KCNIP4: variants seen among roughly 807,000 people sequenced by gnomAD.
KCNIP4 encodes Kv channel-interacting protein 4.
In KCNIP4, 12 loss-of-function variants were observed where a neutral mutation model predicts 34.0. That is an observed-to-expected ratio of 0.35 (90% CI 0.23 to 0.57). The LOEUF (loss-of-function observed/expected upper bound fraction) is 0.57, where lower values mean the gene tolerates loss of function less well. KCNIP4 is among the 20% of genes least tolerant of loss of function. KCNIP4 has a pLI of 0.83. For synonymous variants in KCNIP4, 124 were observed against 102.2 expected (o/e 1.21, Z -1.29); for missense variants, 238 against 311.7 (o/e 0.76, Z 1.78).
At chr4:21,501,731 GT>G (rs530301749) in intron 1 of KCNIP4, among the ~76,000 whole-genome samples, 1 of 58,836 alleles carries the variant, frequency 1.7e-5, no homozygotes, top group East Asian at 3.1e-4. Flanking sequence ...GGAAGGGGCA[GT>G]TTATATGTAA....
intron 1 of KCNIP4, among the ~76,000 whole-genome samples, chr4:21,549,850 T>C (rs1738426787): frequency 6.6e-6 from 1 of 152,078 alleles, no homozygotes; most frequent in Admixed American, 6.6e-5. Flanking sequence ...ATGGGTAGTA[T>C]ATCCTATAGA....
At position 21,681,893 on chromosome 4, in the gene KCNIP4, TA is replaced by T. The variant is rs1235748881; in HGVS notation, c.61+266677del. On this transcript the variant is annotated intron_variant, in intron 1 of 8. Transcript: ENST00000382152. ...CCACACTTTTTTTTTTATTTTTATT[TA>T]TTTATTTTTTTTGAGACAGAGCCTC... 9.6e-4 allele frequency among the ~76,000 whole-genome samples: 139 copies of T among 145,040 alleles called. 3 individuals carry two copies. In the South Asian group the frequency reaches 0.022, roughly 23 times the overall value.
intron 1 of KCNIP4, among the ~76,000 whole-genome samples, chr4:20,886,930 A>G (rs1339166034): frequency 6.6e-6 from 1 of 152,204 alleles, no homozygotes; most frequent in Non-Finnish European, 1.5e-5. Context: ...AAGCAGAACA[A>G]ATGTGACCCA....
intron 1 of KCNIP4, among the ~76,000 whole-genome samples, chr4:21,045,412 T>C (rs1742345815): frequency 6.6e-6 from 1 of 152,202 alleles, no homozygotes; most frequent in Non-Finnish European, 1.5e-5. Context: ...CCCTAGAACA[T>C]TACAAGAAAT....
chr4:21,516,299 G>A (rs990878682), intron 1 of KCNIP4, among the ~76,000 whole-genome samples: 5 of 152,136 alleles, frequency 3.3e-5, no homozygotes, highest in Non-Finnish European at 7.4e-5. Context: ...CCAAAGTTGA[G>A]TCAATGTACA....
chr4:21,006,438 G>A (rs761939887), intron 1 of KCNIP4, among the ~76,000 whole-genome samples: 4 of 152,276 alleles, frequency 2.6e-5, no homozygotes, highest in South Asian at 4.1e-4. Flanking sequence ...TGCATAAGCC[G>A]TAAGATAGAA....
intron 1 of KCNIP4, among the ~76,000 whole-genome samples, chr4:21,750,683 T>C (rs947156459): frequency 1.3e-5 from 2 of 152,332 alleles, no homozygotes; most frequent in East Asian, 3.9e-4. Flanking sequence ...ACCTGTAAGT[T>C]CAAACCATGT....
chr4:21,462,783 G>A (rs1041128344), intron 1 of KCNIP4, among the ~76,000 whole-genome samples: 2 of 145,044 alleles, frequency 1.4e-5, no homozygotes, highest in East Asian at 5.0e-4. Context: ...GTGTGTGTGT[G>A]TGTGTGTGTG....
chr4:20,940,121 C>T (rs1731490269), intron 1 of KCNIP4, among the ~76,000 whole-genome samples: 1 of 152,146 alleles, frequency 6.6e-6, no homozygotes, highest in Non-Finnish European at 1.5e-5. Flanking sequence ...GTGGTCTTCT[C>T]CACCTAGGAT....
At chr4:21,073,466 G>A (rs1745170835) in intron 1 of KCNIP4, among the ~76,000 whole-genome samples, 1 of 152,138 alleles carries the variant, frequency 6.6e-6, no homozygotes, top group African/African-American at 2.4e-5. Context: ...AAGAATGCTT[G>A]TGATTTTTGC....
At chr4:20,930,548 G>A (rs1407283231) in intron 1 of KCNIP4, among the ~76,000 whole-genome samples, 1 of 151,990 alleles carries the variant, frequency 6.6e-6, no homozygotes, top group Non-Finnish European at 1.5e-5. Flanking sequence ...CACAGTAAAG[G>A]AATCAATCAA....
intron 1 of KCNIP4, among the ~76,000 whole-genome samples, chr4:21,295,908 C>T (rs1430078978): frequency 1.4e-5 from 2 of 142,634 alleles, no homozygotes; most frequent in Non-Finnish European, 3.1e-5. Context: ...AATAGAGGCA[C>T]ATGCAGTTAG....
chr4:20,854,581 C>T, intron 2 of KCNIP4, among the ~76,000 whole-genome samples: 1 of 152,080 alleles, frequency 6.6e-6, no homozygotes, highest in East Asian at 1.9e-4. Flanking sequence ...CACAAATCAC[C>T]ACTGAAGAAC....
intron 1 of KCNIP4, among the ~76,000 whole-genome samples, chr4:21,727,336 C>T (rs979688187): frequency 6.6e-6 from 1 of 152,074 alleles, no homozygotes; most frequent in African/African-American, 2.4e-5. Context: ...TTCATTCCTC[C>T]CACCATGTGA....
intron 1 of KCNIP4, among the ~76,000 whole-genome samples, chr4:21,143,669 T>C (rs377051115): frequency 1.5e-4 from 23 of 152,068 alleles, no homozygotes; most frequent in African/African-American, 3.9e-4. Context: ...GTGTTTTCAA[T>C]GGACCACTAG....
intron 1 of KCNIP4, among the ~76,000 whole-genome samples, chr4:21,777,859 G>A (rs549424830): frequency 6.6e-5 from 10 of 152,090 alleles, no homozygotes; most frequent in Admixed American, 2.6e-4. Flanking sequence ...CTTATATACA[G>A]CCATTAATAA....
chr4:21,297,753 T>G (rs1222258488), intron 1 of KCNIP4, among the ~76,000 whole-genome samples: 2 of 147,066 alleles, frequency 1.4e-5, no homozygotes, highest in African/African-American at 4.9e-5. Context: ...CTTCCTCATT[T>G]TTCTGGGTTC....
intron 1 of KCNIP4, among the ~76,000 whole-genome samples, chr4:21,831,718 T>C (rs1723003726): frequency 6.8e-6 from 1 of 147,030 alleles, no homozygotes; most frequent in African/African-American, 2.5e-5. Context: ...TGGTGAATTC[T>C]ACCAAAGATT....
chr4:21,165,781 A>C (rs1234776445), intron 1 of KCNIP4, among the ~76,000 whole-genome samples: 1 of 152,186 alleles, frequency 6.6e-6, no homozygotes, highest in Non-Finnish European at 1.5e-5. Flanking sequence ...GTATGGATTG[A>C]ATGTTTGTGT....
Sources: allele counts gnomAD v4.1 joint callset (sites outside exome capture counted in the v4.1 genomes callset), GRCh38; gene constraint gnomAD v4.1.1; transcripts MANE v1.5; gene names NCBI Gene and HGNC (gene_info 2026-07-23, HGNC 2026-07-21).